Variants in TAMM41 observed in about 807,000 individuals in gnomAD.
TAMM41 encodes TAM41 mitochondrial translocator assembly and maintenance homolog, also known as phosphatidate cytidylyltransferase, mitochondrial.
TAMM41 carries 36 observed loss-of-function variants against 44.1 expected under a neutral mutation model. The observed-to-expected ratio is 0.82, with a 90% confidence interval of 0.63 to 1.08. TAMM41 has a LOEUF of 1.08. Among genes scored for constraint, TAMM41 ranks in the 50% least tolerant of loss-of-function variants. The pLI is 0.00. For missense variants in TAMM41, 417 were observed against 404.3 expected, an observed-to-expected ratio of 1.03 and a Z score of -0.27; for synonymous variants, 164 against 153.1, an observed-to-expected ratio of 1.07 and a Z score of -0.53.
the TAMM41 span, among the ~76,000 whole-genome samples, chr3:11,784,796 CTTTTTTTTTTTTTTT>C: frequency 3.7e-5 from 4 of 109,034 alleles, no homozygotes; most frequent in Non-Finnish European, 7.3e-5. Flanking sequence ...CTTTTCTTTT[CTTTTTTTTTTTTTTT>C]TTTTTTGAGG....
downstream of TAMM41, among the ~76,000 whole-genome samples, chr3:11,787,555 C>T (rs1482885403): frequency 2.6e-5 from 4 of 152,122 alleles, no homozygotes; most frequent in Non-Finnish European, 4.4e-5. Flanking sequence ...GGGTTGTTTC[C>T]ATTTTCTTGA....
At chr3:11,753,840 A>G in the TAMM41 span, among the ~76,000 whole-genome samples, 2 of 151,892 alleles carry the variant, frequency 1.3e-5, no homozygotes, top group Non-Finnish European at 2.9e-5. Flanking sequence ...AAAGAAGGAG[A>G]TTGTATGTCT....
the TAMM41 span, among the ~76,000 whole-genome samples, chr3:11,732,676 C>T: frequency 5.3e-5 from 8 of 152,226 alleles, no homozygotes; most frequent in East Asian, 1.9e-4. Flanking sequence ...TCAAGGAGGG[C>T]CTCTCTGAGG....
chr3:11,776,016 ATTT>A, the TAMM41 span, among the ~76,000 whole-genome samples: 4,984 of 130,990 alleles, frequency 0.038, 273 homozygotes, highest in African/African-American at 0.13. Flanking sequence ...TAATTAATTA[ATTT>A]TTTTTTTTTT....
At chr3:11,735,692 T>C in the TAMM41 span, among the ~76,000 whole-genome samples, 1 of 151,938 alleles carries the variant, frequency 6.6e-6, no homozygotes, top group South Asian at 2.1e-4. Context: ...TAGAGAATAA[T>C]GGAGAAAGTG....
the TAMM41 span, among the ~76,000 whole-genome samples, chr3:11,745,051 T>G: frequency 6.6e-6 from 1 of 151,950 alleles, no homozygotes; most frequent in Non-Finnish European, 1.5e-5. Flanking sequence ...TTAGTAGAGA[T>G]GGGGTTGCAC....
At chr3:11,822,396 A>G (rs1195101794) in intron 4 of TAMM41, among the ~76,000 whole-genome samples, 1 of 152,198 alleles carries the variant, frequency 6.6e-6, no homozygotes, top group Admixed American at 6.5e-5. Context: ...CATCTCTCCA[A>G]TCTAATACTA....
chr3:11,788,597 G>T (rs1327450415), downstream of TAMM41, among the ~76,000 whole-genome samples: 1 of 152,080 alleles, frequency 6.6e-6, no homozygotes, highest in Non-Finnish European at 1.5e-5. Context: ...TCTATTTTGG[G>T]TTCTGAAGGA....
the TAMM41 span, among the ~76,000 whole-genome samples, chr3:11,764,486 C>CTTTTTTTTTTTTTTTTTTTTTT: frequency 3.2e-4 from 22 of 68,140 alleles, 4 homozygotes; most frequent in African/African-American, 1.2e-3. Context: ...TAATCTTATT[C>CTTTTTTTTTTTTTTTTTTTTTT]TTTTTTTTTT....
intron 3 of TAMM41, among the ~76,000 whole-genome samples, chr3:11,838,424 G>A (rs749651601): frequency 2.6e-5 from 4 of 152,132 alleles, no homozygotes; most frequent in Non-Finnish European, 5.9e-5. Context: ...CACCACTTTG[G>A]CTAGGCTGGT....
chr3:11,764,918 C>T, the TAMM41 span, among the ~76,000 whole-genome samples: 1 of 152,104 alleles, frequency 6.6e-6, no homozygotes, highest in Non-Finnish European at 1.5e-5. Flanking sequence ...GTTTTTGAAA[C>T]TCAGTTTTCC....
the TAMM41 span, among the ~76,000 whole-genome samples, chr3:11,743,063 G>A: frequency 6.6e-6 from 1 of 152,184 alleles, no homozygotes; most frequent in East Asian, 1.9e-4. Flanking sequence ...ACGCAGAAGT[G>A]AGCAGTGTGA....
the TAMM41 span, among the ~76,000 whole-genome samples, chr3:11,766,678 T>G: frequency 6.6e-6 from 1 of 152,098 alleles, no homozygotes; most frequent in South Asian, 2.1e-4. Flanking sequence ...GCAATTCTCC[T>G]GCCTCAGCCT....
chr3:11,832,386 G>A (rs115590306), intron 3 of TAMM41, among the ~76,000 whole-genome samples: 161 of 152,188 alleles, frequency 1.1e-3, no homozygotes, highest in African/African-American at 3.8e-3. Flanking sequence ...GTGTAAGCAC[G>A]GTATTAGGTA....
chr3:11,768,502 A>G, the TAMM41 span, among the ~76,000 whole-genome samples: 1 of 152,206 alleles, frequency 6.6e-6, no homozygotes, highest in Non-Finnish European at 1.5e-5. Flanking sequence ...ATTTCCCACA[A>G]TTTTATGTTA....
intron 5 of TAMM41, among the ~76,000 whole-genome samples, chr3:11,816,910 A>G (rs536341798): frequency 5.1e-4 from 78 of 152,350 alleles, no homozygotes; most frequent in African/African-American, 1.6e-3. Flanking sequence ...GGTAATTGAT[A>G]GACATGGTAA....
At chr3:11,814,512 G>A (rs1382481900) in intron 5 of TAMM41, among the ~76,000 whole-genome samples, 1 of 151,932 alleles carries the variant, frequency 6.6e-6, no homozygotes, top group East Asian at 1.9e-4. Flanking sequence ...GAGAGAGAGA[G>A]AGAGAGAGAA....
At chr3:11,777,376 T>C in the TAMM41 span, among the ~76,000 whole-genome samples, 5,571 of 152,220 alleles carry the variant, frequency 0.037, 301 homozygotes, top group African/African-American at 0.12. Context: ...CAAAAAGGAG[T>C]TGAGGTACTA....
At chr3:11,819,767 AC>A (rs952327268) in intron 4 of TAMM41, among the ~76,000 whole-genome samples, 12 of 152,164 alleles carry the variant, frequency 7.9e-5, no homozygotes, top group Admixed American at 5.2e-4. Flanking sequence ...AACAAAAAAA[AC>A]TTCATAAAAA....
Sources: gnomAD v4.1 joint callset for allele counts (sites outside exome capture counted in the v4.1 genomes callset) on GRCh38, gnomAD v4.1.1 for gene constraint, MANE v1.5 for transcripts, NCBI Gene and HGNC (gene_info 2026-07-23, HGNC 2026-07-21) for gene names.